The following PTPRD variants were observed in gnomAD, a reference collection of about 807,000 sequenced individuals.
The protein encoded by PTPRD is protein tyrosine phosphatase receptor type D, also known as receptor-type tyrosine-protein phosphatase delta.
PTPRD carries 34 observed loss-of-function variants against 214.5 expected under a neutral mutation model. The observed-to-expected ratio is 0.16, with a 90% CI of 0.12 to 0.21. The LOEUF (loss-of-function observed/expected upper bound fraction) is 0.21. PTPRD is among the 10% of genes least tolerant of loss of function. The pLI is 1.00. For missense variants in PTPRD, 2,545 were observed against 2,398.7 expected (o/e 1.06, Z -1.27); for synonymous variants, 1,128 against 845.7 (o/e 1.33, Z -5.79).
intron 2 of PTPRD, among the ~76,000 whole-genome samples, chr9:10,426,666 A>AAAGT (rs1318854520): frequency 1.3e-5 from 2 of 152,100 alleles, no homozygotes; most frequent in Admixed American, 1.3e-4. Context: ...TCAACAATCC[A>AAAGT]AAGTAAGGGC....
intron 8 of PTPRD, among the ~76,000 whole-genome samples, chr9:9,538,082 C>A (rs1415544634): frequency 1.3e-5 from 2 of 151,822 alleles, no homozygotes; most frequent in African/African-American, 4.8e-5. Flanking sequence ...GGCCAGACTT[C>A]TTGGTACACT....
intron 2 of PTPRD, among the ~76,000 whole-genome samples, chr9:10,424,313 T>TTCTCTCTCTCTCTCTCTCTCTC (rs35994999): frequency 4.8e-5 from 7 of 145,484 alleles, no homozygotes; most frequent in African/African-American, 1.7e-4. Context: ...TGGTTTCCTT[T>TTCTCTCTCTCTCTCTCTCTCTC]TCTCTCTCTC....
Position 8,402,250 on chromosome 9 carries a change from C to T in PTPRD, c.4210+2287G>A, listed in dbSNP as rs574973712. Reference sequence around the variant, plus strand: ...TTAGGGTGTATTTGTGAACACAGCACTATAAAAAGACAGGTTTTCGTGTGA... The same window carrying T: ...TTAGGGTGTATTTGTGAACACAGCATTATAAAAAGACAGGTTTTCGTGTGA... On this transcript the variant is annotated intron_variant, in intron 36 of 45. Transcript: ENST00000381196. Among the ~76,000 whole-genome samples, 16 of 152,236 alleles carry T rather than the reference C, an allele frequency of 1.1e-4. No homozygotes were observed. In the South Asian group the frequency reaches 3.1e-3, roughly 30 times the overall value.
At chr9:10,506,227 G>C (rs776223117) in intron 2 of PTPRD, among the ~76,000 whole-genome samples, 1 of 152,042 alleles carries the variant, frequency 6.6e-6, no homozygotes, top group Non-Finnish European at 1.5e-5. Flanking sequence ...AAAACATTTT[G>C]AGATAATTTT....
intron 39 of PTPRD, among the ~76,000 whole-genome samples, chr9:8,373,255 CA>C (rs2082078892): frequency 6.6e-6 from 1 of 151,892 alleles, no homozygotes; most frequent in African/African-American, 2.4e-5. Flanking sequence ...GGCTTGTATT[CA>C]ACTCAAGGAT....
chr9:8,999,143 T>C (rs2099408113), intron 11 of PTPRD, among the ~76,000 whole-genome samples: 1 of 152,066 alleles, frequency 6.6e-6, no homozygotes, highest in Non-Finnish European at 1.5e-5. Context: ...GGTAAAGCAG[T>C]GGCAGGATTT....
intron 36 of PTPRD, among the ~76,000 whole-genome samples, chr9:8,401,570 GACT>G (rs2092399051): frequency 3.3e-5 from 5 of 152,050 alleles, no homozygotes; most frequent in Non-Finnish European, 7.4e-5. Flanking sequence ...TAAATAAAAT[GACT>G]GTGATTTGGA....
intron 5 of PTPRD, among the ~76,000 whole-genome samples, chr9:9,769,317 C>CTTTTTTTT (rs34497562): frequency 4.3e-5 from 3 of 69,606 alleles, no homozygotes; most frequent in South Asian, 7.3e-4. Context: ...ACCAGAAGCC[C>CTTTTTTTT]TTTTTTTTTT....
intron 4 of PTPRD, among the ~76,000 whole-genome samples, chr9:9,939,399 C>A (rs541995796): frequency 6.6e-6 from 1 of 152,248 alleles, no homozygotes; most frequent in South Asian, 2.1e-4. Context: ...CTTCTTGTGG[C>A]TTGTGCAGTC....
intron 20 of PTPRD, 57 bp downstream of exon 20, chr9:8,521,220 A>G: frequency 1.9e-6 from 3 of 1,545,972 alleles, no homozygotes; most frequent in South Asian, 2.5e-5. Flanking sequence ...TTCTAGAGGC[A>G]TTAGTCACTT....
chr9:8,900,142 C>T (rs2098655823), intron 11 of PTPRD, among the ~76,000 whole-genome samples: 1 of 151,988 alleles, frequency 6.6e-6, no homozygotes, highest in South Asian at 2.1e-4. Flanking sequence ...ATATGACATA[C>T]TATATAAATA....
At chr9:9,206,420 A>T (rs965615683) in intron 9 of PTPRD, among the ~76,000 whole-genome samples, 1 of 152,160 alleles carries the variant, frequency 6.6e-6, no homozygotes, top group Non-Finnish European at 1.5e-5. Flanking sequence ...GGCAAGAGAA[A>T]TCAGTTAGGA....
At chr9:8,835,376 ACCAAGGT>A (rs1004019722) in intron 11 of PTPRD, among the ~76,000 whole-genome samples, 1 of 152,332 alleles carries the variant, frequency 6.6e-6, no homozygotes, top group East Asian at 1.9e-4. Context: ...AGCACCAAGC[ACCAAGGT>A]CTCTACTAAA....
chr9:9,020,278 G>C (rs568101191), intron 10 of PTPRD, among the ~76,000 whole-genome samples: 1 of 152,256 alleles, frequency 6.6e-6, no homozygotes, highest in African/African-American at 2.4e-5. Flanking sequence ...TGAAATGCAT[G>C]TATAAACCAT....
intron 2 of PTPRD, among the ~76,000 whole-genome samples, chr9:10,483,358 G>T (rs2099112738): frequency 6.6e-6 from 1 of 151,870 alleles, no homozygotes; most frequent in Non-Finnish European, 1.5e-5. Context: ...ACACTATTCT[G>T]GATACTGGCC....
chr9:9,253,137 T>A (rs1481355169), intron 9 of PTPRD, among the ~76,000 whole-genome samples: 1 of 152,034 alleles, frequency 6.6e-6, no homozygotes, highest in Non-Finnish European at 1.5e-5. Context: ...CAGAATTCAG[T>A]CTTCTTATCT....
At chr9:9,057,274 C>CT (rs2099698036) in intron 10 of PTPRD, among the ~76,000 whole-genome samples, 1 of 152,138 alleles carries the variant, frequency 6.6e-6, no homozygotes, top group African/African-American at 2.4e-5. Flanking sequence ...TTTCTAGGGA[C>CT]TGTCAGTCTT....
At chr9:9,729,424 T>C (rs902591813) in intron 7 of PTPRD, among the ~76,000 whole-genome samples, 4 of 152,192 alleles carry the variant, frequency 2.6e-5, no homozygotes, top group African/African-American at 9.6e-5. Context: ...CATTTTCCCT[T>C]GGCCAAAAGT....
chr9:10,278,760 G>T (rs1482631925), intron 3 of PTPRD, among the ~76,000 whole-genome samples: 2 of 150,122 alleles, frequency 1.3e-5, no homozygotes, highest in Admixed American at 6.9e-5. Context: ...TGTGGTAAAA[G>T]GTTTTTTTTT....
Sources: allele counts gnomAD v4.1 joint callset (sites outside exome capture counted in the v4.1 genomes callset), GRCh38; gene constraint gnomAD v4.1.1; transcripts MANE v1.5; gene names NCBI Gene and HGNC (gene_info 2026-07-23, HGNC 2026-07-21).